DBNDD1: variants seen among roughly 807,000 people sequenced by gnomAD.
DBNDD1 encodes the protein dysbindin domain containing 1, also known as dysbindin domain-containing protein 1.
DBNDD1 carries 14 observed loss-of-function variants against 17.0 expected under a neutral mutation model. The ratio of observed to expected loss-of-function variants is 0.82; its 90% CI spans 0.54 to 1.29. DBNDD1 has a LOEUF of 1.29. Ranked by LOEUF, DBNDD1 falls within the 50% of genes most tolerant of loss-of-function variation. The pLI, the probability that DBNDD1 is intolerant of heterozygous loss-of-function variation, is 0.00. For synonymous variants in DBNDD1, 105 were observed against 102.0 expected, an observed-to-expected ratio of 1.03 and a Z score of -0.18; for missense variants, 221 against 216.2, an observed-to-expected ratio of 1.02 and a Z score of -0.14.
Position 90,010,003 on chromosome 16 carries a change from A to G in DBNDD1, c.32-573T>C, listed in dbSNP as rs368878337. ...CCATTCTGTGATCCCTTAGCCACCAACCATGCCTCACAGTTGAGCAAATAT... is the reference window on the plus strand; with the variant it reads ...CCATTCTGTGATCCCTTAGCCACCAGCCATGCCTCACAGTTGAGCAAATAT... On this transcript the variant is annotated intron_variant, in intron 1 of 3. Coordinates refer to ENST00000002501, the MANE Select transcript of DBNDD1 (RefSeq NM_001042610.3). The G allele has an allele frequency of 1.1e-5, 17 of 1,614,046 alleles. No homozygotes were observed. In the Admixed American group the frequency reaches 1.3e-4, roughly 13 times the overall value.
chr16:90,009,057 C>T lies in DBNDD1; in HGVS notation c.179-133G>A, dbSNP rs568931606. The T allele has an allele frequency of 5.6e-5, 73 of 1,294,498 alleles. No individual in the cohort carries two copies. In the Middle Eastern group the frequency reaches 1.1e-3, roughly 19 times the overall value. The allele number at this position is 1,294,498 out of a possible 1,614,324, so 80.2% of individuals were successfully genotyped here. ...GAACCACAGCTTCCTGCAAAGCCCA[C>T]ACCGGCAGGATCTGATGAGTGTTGC... is the stretch of plus-strand genomic sequence containing the variant. On this transcript the variant is annotated intron_variant, in intron 2 of 3. Transcript: ENST00000002501.
chr16:90,018,320 T>C (rs576378825), intron 1 of DBNDD1, among the ~76,000 whole-genome samples: 149 of 152,364 alleles, frequency 9.8e-4, no homozygotes, highest in African/African-American at 3.5e-3. Context: ...CATTTGTCCC[T>C]ATACCTTGGA....
rs115908862 is a variant in DBNDD1, at chr16:90,005,107, G to C, written c.*1228C>G. ...TTTGCCAGCAGTGCGGAGGGGCAGC[G>C]GGTGGCTCAGAAGTGGGAGCAGGTA... On this transcript the variant is annotated 3_prime_UTR_variant, in exon 4 of 4. Transcript: ENST00000002501. 2.6e-5 allele frequency: 4 copies of C among 152,538 alleles called. No homozygotes were observed. Among genetic ancestry groups the C allele is most frequent in the Non-Finnish European group, 1.5e-5 (1 of 68,194 alleles). The allele number at this position is 152,538 out of a possible 1,614,324, so 9.4% of individuals were successfully genotyped here.
intron 3 of DBNDD1, among the ~76,000 whole-genome samples, chr16:90,008,548 A>C (rs1597577983): frequency 3.6e-5 from 1 of 27,678 alleles, no homozygotes; most frequent in Admixed American, 3.5e-4. Flanking sequence ...CCCCAAACAC[A>C]CCTCCCAGGA....
At chr16:90,010,414 C>A (rs2035532417) in intron 1 of DBNDD1, among the ~76,000 whole-genome samples, 1 of 143,460 alleles carries the variant, frequency 7.0e-6, no homozygotes, top group African/African-American at 2.6e-5. Flanking sequence ...TGTCACCAGG[C>A]TGGAGTGCAG....
chr16:90,015,894 G>A (rs905191574), intron 1 of DBNDD1, among the ~76,000 whole-genome samples: 2 of 151,950 alleles, frequency 1.3e-5, no homozygotes, highest in African/African-American at 2.4e-5. Flanking sequence ...TTCTGGGGGG[G>A]TAATGAAGAT....
At chr16:90,015,497 T>A (rs1365151899) in intron 1 of DBNDD1, among the ~76,000 whole-genome samples, 1 of 152,250 alleles carries the variant, frequency 6.6e-6, no homozygotes, top group Non-Finnish European at 1.5e-5. Context: ...TCTATGTGGA[T>A]TTCTGACTTT....
chr16:90,007,187 C>T, intron 3 of DBNDD1: 1 of 152,576 alleles, frequency 6.6e-6, no homozygotes. Flanking sequence ...CATGAGGCCC[C>T]ATTCCCTCCC....
intron 1 of DBNDD1, chr16:90,009,922 G>C: frequency 6.3e-7 from 1 of 1,597,964 alleles, no homozygotes; most frequent in Non-Finnish European, 8.6e-7. Context: ...TTTGAGTTCA[G>C]AATAATACAT....
At chr16:90,010,381 T>C (rs1307052572) in intron 1 of DBNDD1, among the ~76,000 whole-genome samples, 1 of 147,452 alleles carries the variant, frequency 6.8e-6, no homozygotes, top group East Asian at 2.0e-4. Context: ...TTTTTTTTTT[T>C]TTTTTGAGAC....
rs1194424010 is a variant in DBNDD1, at chr16:90,006,358, C to G, written c.454G>C (p.Val152Leu). 1 of 1,609,212 alleles carries G rather than the reference C, an allele frequency of 6.2e-7. No individual in the cohort carries two copies. The highest frequency in any genetic ancestry group is 1.7e-5 in the Admixed American group (1 of 59,798). Reference protein sequence around the residue: ...QATVLDTFLTVERPQED With the variant: ...QATVLDTFLTLERPQED ...GTCTAGTCCTCCTGGGGCCTCTCCA[C>G]AGTGAGAAACGTGTCCAGGACTGTG... Residue 152 changes from valine to leucine, a missense_variant, in exon 4 of 4, where the codon GTG becomes CTG. Physicochemically the swap from Val to Leu is conservative, Grantham distance 32. Transcript: ENST00000002501.
Position 90,005,764 on chromosome 16 carries a change from G to C in DBNDD1, c.*571C>G, listed in dbSNP as rs2035410535. 1 of 154,100 alleles carries C rather than the reference G, an allele frequency of 6.5e-6. No individual in the cohort carries two copies. The highest frequency in any genetic ancestry group is 6.4e-5 in the Admixed American group (1 of 15,736). 9.5% of individuals were successfully genotyped at this position (154,100 alleles called of 1,614,324 possible). ...CAGCGCCTCCGTGGAGTAGAAGAAG[G>C]GGCAGGATGGAAATCAAGGTGGGAA... On this transcript the variant is annotated 3_prime_UTR_variant, in exon 4 of 4. Coordinates refer to ENST00000002501, the MANE Select transcript of DBNDD1 (RefSeq NM_001042610.3).
In DBNDD1 at chr16:90,006,420, T is replaced by G; in HGVS notation, c.392A>C (p.His131Pro). ...GGGGTCGCCTAGGGGCTGCTTCTCG[T>G]GGCTCTGCTCAGCCCTTGTCCTCGT... is the stretch of plus-strand genomic sequence containing the variant. ...SWTRTRAEQS[H>P]EKQPLGDPER... is the part of the protein sequence containing the mutation. Residue 131 changes from histidine (H) to proline (P), a missense_variant, in exon 4 of 4, where the codon CAC becomes CCC. Coordinates refer to ENST00000002501, the MANE Select transcript of DBNDD1 (RefSeq NM_001042610.3). 6.2e-7 allele frequency: 1 copy of G among 1,604,410 alleles called. No individual in the cohort carries two copies. Among genetic ancestry groups the G allele is most frequent in the Non-Finnish European group, 8.5e-7 (1 of 1,179,816 alleles).
chr16:90,011,664 C>T lies in DBNDD1; in HGVS notation c.32-2234G>A, dbSNP rs949567502. The T allele has an allele frequency of 8.8e-5, 40 of 455,112 alleles. No homozygotes were observed. In the East Asian group the frequency reaches 1.7e-3, roughly 19 times the overall value. The allele number at this position is 455,112 out of a possible 1,614,324, so 28.2% of individuals were successfully genotyped here. On this transcript the variant is annotated intron_variant, in intron 1 of 3. Coordinates refer to ENST00000002501, the MANE Select transcript of DBNDD1 (RefSeq NM_001042610.3). ...GGTTGGGCGGGCTGGACGGGGCTCTCGCGGAATCTGGTTTCCACCTTTCCA... is the reference window on the plus strand; with the variant it reads ...GGTTGGGCGGGCTGGACGGGGCTCTTGCGGAATCTGGTTTCCACCTTTCCA...
Position 90,009,311 on chromosome 16 carries a change from C to G in DBNDD1, c.151G>C (p.Gly51Arg). The G allele has an allele frequency of 6.2e-7, 1 of 1,613,560 alleles. No homozygotes were observed. The highest frequency in any genetic ancestry group is 2.2e-5 in the East Asian group (1 of 44,878). ...CTCCTCTCCGTGACCTGCAGGAGCC[C>G]CGGTGCTGGTACTGGGATGCCCCCG... ...EVGGIPVPAP[G>R]LLQVTERRQP... The change falls in exon 2 of 4, where the codon GGG becomes CGG. Residue 51 changes from glycine to arginine, a missense_variant. Coordinates refer to ENST00000002501, the MANE Select transcript of DBNDD1 (RefSeq NM_001042610.3).
At chr16:90,012,039 C>G (rs907996595) in intron 1 of DBNDD1, among the ~76,000 whole-genome samples, 9 of 152,254 alleles carry the variant, frequency 5.9e-5, no homozygotes, top group African/African-American at 1.9e-4. Flanking sequence ...GGTCACAATT[C>G]CAAAATGCTT....
intron 2 of DBNDD1, 163 bp downstream of exon 2, chr16:90,009,121 T>C (rs995727831): frequency 1.6e-6 from 2 of 1,238,218 alleles, no homozygotes; most frequent in Non-Finnish European, 2.2e-6. Context: ...TGACAGATGG[T>C]GCAGCTGAGG....
At chr16:90,016,238 G>A (rs900228568) in intron 1 of DBNDD1, among the ~76,000 whole-genome samples, 20 of 152,176 alleles carry the variant, frequency 1.3e-4, no homozygotes, top group African/African-American at 4.3e-4. Flanking sequence ...CAGTAGGTGC[G>A]CAGTAAACAA....
chr16:90,011,136 T>G (rs559221083), intron 1 of DBNDD1, among the ~76,000 whole-genome samples: 1 of 152,362 alleles, frequency 6.6e-6, no homozygotes, highest in African/African-American at 2.4e-5. Flanking sequence ...GGGGTATTTT[T>G]GGCAGCCCCC....
Sources: allele counts gnomAD v4.1 joint callset (sites outside exome capture counted in the v4.1 genomes callset), GRCh38; gene constraint gnomAD v4.1.1; transcripts MANE v1.5; gene names NCBI Gene and HGNC (gene_info 2026-07-23, HGNC 2026-07-21).